Variants in FRMD4B observed in about 807,000 individuals in gnomAD.
The protein encoded by FRMD4B is FERM domain-containing protein 4B.
Under a neutral mutation model 141.5 loss-of-function variants are expected in FRMD4B, and 74 were observed. The observed-to-expected ratio is 0.52, with a 90% confidence interval of 0.43 to 0.63. The LOEUF (loss-of-function observed/expected upper bound fraction) is 0.63. FRMD4B is among the 30% of genes least tolerant of loss of function. FRMD4B has a pLI of 0.00. For missense variants in FRMD4B, 1,366 were observed against 1,253.4 expected, an observed-to-expected ratio of 1.09 and a Z score of -1.36; for synonymous variants, 506 against 467.9, an observed-to-expected ratio of 1.08 and a Z score of -1.05.
At chr3:69,317,047 T>C (rs1207082013) in intron 1 of FRMD4B, among the ~76,000 whole-genome samples, 1 of 151,854 alleles carries the variant, frequency 6.6e-6, no homozygotes, top group Non-Finnish European at 1.5e-5. Flanking sequence ...ATAACTGCAC[T>C]CCAGCCTGGG....
chr3:69,175,940 C>T (rs2092640464), intron 22 of FRMD4B, among the ~76,000 whole-genome samples: 1 of 151,850 alleles, frequency 6.6e-6, no homozygotes, highest in African/African-American at 2.4e-5. Flanking sequence ...GCCACCATGC[C>T]CAACTAATTT....
At chr3:69,305,283 T>C (rs1701356536) in intron 3 of FRMD4B, among the ~76,000 whole-genome samples, 1 of 152,098 alleles carries the variant, frequency 6.6e-6, no homozygotes, top group Non-Finnish European at 1.5e-5. Context: ...AGTGTGTCTT[T>C]GTTTCCATAG....
At chr3:69,224,480 T>C in intron 8 of FRMD4B, 127 bp downstream of exon 8, 1 of 686,394 alleles carries the variant, frequency 1.5e-6, no homozygotes, top group East Asian at 2.7e-5. Flanking sequence ...CTACCTATGG[T>C]TACTTTATAC....
intron 2 of FRMD4B, among the ~76,000 whole-genome samples, chr3:69,411,517 C>T (rs1463778357): frequency 2.0e-5 from 3 of 152,084 alleles, no homozygotes; most frequent in Non-Finnish European, 2.9e-5. Context: ...TATGAATCAC[C>T]CCAGGCTCCA....
chr3:69,302,603 A>G (rs76319377), intron 3 of FRMD4B, among the ~76,000 whole-genome samples, 168 bp from the exon 4 acceptor site: 1 of 152,268 alleles, frequency 6.6e-6, no homozygotes, highest in Non-Finnish European at 1.5e-5. Flanking sequence ...TTTCAAAACT[A>G]TGAAAGCACT....
intron 1 of FRMD4B, among the ~76,000 whole-genome samples, chr3:69,519,658 T>C (rs1411972871): frequency 6.6e-6 from 1 of 152,152 alleles, no homozygotes; most frequent in Non-Finnish European, 1.5e-5. Context: ...TTTATTTCCA[T>C]AGGTTTTGGG....
At chr3:69,311,819 T>TAAG (rs1320361688) in intron 2 of FRMD4B, among the ~76,000 whole-genome samples, 1 of 151,552 alleles carries the variant, frequency 6.6e-6, no homozygotes, top group Non-Finnish European at 1.5e-5. Context: ...ATGAAAATAT[T>TAAG]AATAATAATA....
rs1315667544 is a variant in FRMD4B, at chr3:69,197,067, A to G, written c.954-29T>C. 4 of 1,598,528 alleles carry G rather than the reference A, an allele frequency of 2.5e-6. No homozygotes were observed. The African/African-American group carries it at 4.0e-5, about 16-fold the overall frequency. On this transcript the variant is annotated intron_variant, in intron 12 of 22. Coordinates refer to ENST00000398540, the MANE Select transcript of FRMD4B (RefSeq NM_015123.3). ...AAAGATTAAAGAAAGCACTCAAATA[A>G]TTCCCCTCTGGCCCAGCATGATGCA...
intron 2 of FRMD4B, among the ~76,000 whole-genome samples, chr3:69,407,315 TAGTA>T (rs1406889632): frequency 5.3e-5 from 8 of 152,164 alleles, no homozygotes; most frequent in Admixed American, 1.3e-4. Context: ...TGAAGCCACT[TAGTA>T]AAGGCGAGCG....
intron 1 of FRMD4B, among the ~76,000 whole-genome samples, chr3:69,447,332 C>T (rs1705424288): frequency 6.6e-6 from 1 of 152,082 alleles, no homozygotes; most frequent in Admixed American, 6.6e-5. Context: ...GAGTAAATAA[C>T]CAGAACCTTG....
At chr3:69,256,641 A>G (rs1292384265) in intron 5 of FRMD4B, among the ~76,000 whole-genome samples, 1 of 152,152 alleles carries the variant, frequency 6.6e-6, no homozygotes, top group Admixed American at 6.5e-5. Context: ...TTTTTATGCA[A>G]TTAGGCTGGT....
chr3:69,302,204 T>C, intron 4 of FRMD4B, 139 bp downstream of exon 4: 4 of 631,428 alleles, frequency 6.3e-6, no homozygotes, highest in East Asian at 2.7e-5. Flanking sequence ...CTTCACATGA[T>C]AATGTTTTGA....
intron 17 of FRMD4B, among the ~76,000 whole-genome samples, chr3:69,190,484 G>A (rs1476345485): frequency 4.6e-5 from 7 of 151,636 alleles, no homozygotes; most frequent in Admixed American, 3.9e-4. Flanking sequence ...GTGTGATCGT[G>A]GCTCACTGCA....
intron 1 of FRMD4B, among the ~76,000 whole-genome samples, 194 bp downstream of exon 1, chr3:69,385,634 G>A (rs1704232421): frequency 6.6e-6 from 1 of 152,156 alleles, no homozygotes; most frequent in Admixed American, 6.5e-5. Context: ...TGCCCCCCAT[G>A]CCCGATTTGA....
chr3:69,413,211 T>C (rs1704790440), intron 2 of FRMD4B, among the ~76,000 whole-genome samples: 1 of 152,194 alleles, frequency 6.6e-6, no homozygotes, highest in African/African-American at 2.4e-5. Context: ...AAGTAATCAT[T>C]AGTATTTATT....
intron 4 of FRMD4B, among the ~76,000 whole-genome samples, chr3:69,295,796 C>G (rs569959291): frequency 6.6e-6 from 1 of 151,934 alleles, no homozygotes; most frequent in East Asian, 2.0e-4. Context: ...CTTCTTTCCC[C>G]CTTCACAATA....
At chr3:69,197,142 T>C in intron 12 of FRMD4B, 104 bp from the exon 13 acceptor site, 3 of 857,770 alleles carry the variant, frequency 3.5e-6, no homozygotes, top group Non-Finnish European at 5.3e-6. Context: ...CTCTTACCTG[T>C]CTTCTGTTGC....
chr3:69,310,529 AAGAC>A (rs759496792), intron 3 of FRMD4B: 5 of 449,584 alleles, frequency 1.1e-5, no homozygotes, highest in South Asian at 6.2e-5. Context: ...TGCCATAAAA[AAGAC>A]AGACAGATAC....
At chr3:69,307,744 C>T (rs918255977) in intron 3 of FRMD4B, among the ~76,000 whole-genome samples, 5 of 152,128 alleles carry the variant, frequency 3.3e-5, no homozygotes, top group Non-Finnish European at 7.4e-5. Context: ...CTGAAGCCTC[C>T]CATGTGGCCA....
Sources: gnomAD v4.1 joint callset for allele counts (sites outside exome capture counted in the v4.1 genomes callset) on GRCh38, gnomAD v4.1.1 for gene constraint, MANE v1.5 for transcripts, NCBI Gene and HGNC (gene_info 2026-07-23, HGNC 2026-07-21) for gene names.